The following ZNF587 variants were observed in gnomAD, a reference collection of about 807,000 sequenced individuals.
ZNF587 encodes zinc finger protein zfp6.
In ZNF587, 8 loss-of-function variants were observed where a neutral mutation model predicts 7.5. That is an observed-to-expected ratio of 1.06 (90% CI 0.62 to 1.92). The LOEUF (loss-of-function observed/expected upper bound fraction) is 1.92. Among genes scored for constraint, ZNF587 ranks in the 40% most tolerant of loss-of-function variants. ZNF587 has a pLI of 0.00. For synonymous variants in ZNF587, 145 were observed against 237.8 expected (o/e 0.61, Z 3.59); for missense variants, 468 against 692.8 (o/e 0.68, Z 3.64).
rs1441784685 is a variant in ZNF587, at chr19:57,864,057, ACT to A, written c.*3919_*3920del. 2.0e-5 allele frequency: 3 copies of A among 149,544 alleles called. No individual in the cohort carries two copies. The highest frequency in any genetic ancestry group is 7.4e-5 in the African/African-American group (3 of 40,330). The allele number at this position is 149,544 out of a possible 1,614,324, so 9.3% of individuals were successfully genotyped here. ...ACATCATCTCAAAAAAAAAAAAAAA[ACT>A]CAATCCATAAATGTTATACTTTATA... On this transcript the variant is annotated 3_prime_UTR_variant, in exon 3 of 3. Transcript: ENST00000339656.
Position 57,854,866 on chromosome 19 carries a change from C to T in ZNF587, c.34-1238C>T, listed in dbSNP as rs573443648. 5.9e-5 allele frequency among the ~76,000 whole-genome samples: 9 copies of T among 151,382 alleles called. No individual in the cohort carries two copies. The East Asian group carries it at 1.4e-3, about 23-fold the overall frequency. On this transcript the variant is annotated intron_variant, in intron 1 of 2. Coordinates refer to ENST00000339656, the MANE Select transcript of ZNF587 (RefSeq NM_032828.4). ...GACCAGCCTGGCCAACATGGTGAAA[C>T]CCCGTCTCTACTAAAAAAAAAAAAT...
intron 1 of ZNF587, 169 bp from the exon 2 acceptor site, chr19:57,855,935 T>A: frequency 8.5e-7 from 1 of 1,176,926 alleles, no homozygotes; most frequent in South Asian, 1.6e-5. Flanking sequence ...TTGTTGCTGA[T>A]GGCATTTGAC....
At chr19:57,854,850 G>A (rs985572990) in intron 1 of ZNF587, among the ~76,000 whole-genome samples, 11 of 151,678 alleles carry the variant, frequency 7.3e-5, no homozygotes, top group African/African-American at 2.7e-4. Flanking sequence ...AGACCAGCCT[G>A]GCCAACATGG....
At chr19:57,855,334 G>C (rs1281980223) in intron 1 of ZNF587, among the ~76,000 whole-genome samples, 1 of 152,094 alleles carries the variant, frequency 6.6e-6, no homozygotes, top group Non-Finnish European at 1.5e-5. Context: ...GGCAGAGCTA[G>C]ACTATGTCTC....
rs372535226 is a variant in ZNF587 at position 57,859,722 on chromosome 19, A to G, written c.1310A>G (p.Asn437Ser). 2.5e-6 allele frequency: 4 copies of G among 1,613,714 alleles called. No individual in the cohort carries two copies. The highest frequency in any genetic ancestry group is 2.2e-5 in the East Asian group (1 of 44,852). ...CTTCACACTGGGGAAAGACCTTACA[A>G]TTGTAGGGAATGTGGGAAATTATTT... The part of the protein sequence containing the change: ...QRLHTGERPY[N>S]CRECGKLFNR... Residue 437 changes from asparagine (N) to serine (S), a missense_variant, in exon 3 of 3, where the codon AAT becomes AGT. Asn to Ser is a conservative substitution (Grantham distance 46). Coordinates refer to ENST00000339656, the MANE Select transcript of ZNF587 (RefSeq NM_032828.4).
intron 1 of ZNF587, chr19:57,851,781 C>T (rs1303467526): frequency 1.3e-5 from 2 of 152,216 alleles, no homozygotes; most frequent in Non-Finnish European, 2.9e-5. Flanking sequence ...AGAAGTTTCC[C>T]AAAGGCCAAT....
chr19:57,853,001 T>C (rs1277349411), intron 1 of ZNF587, among the ~76,000 whole-genome samples: 2 of 150,816 alleles, frequency 1.3e-5, no homozygotes, highest in African/African-American at 4.9e-5. Flanking sequence ...TACAGGCATG[T>C]ACCACCACAC....
At position 57,863,033 on chromosome 19, in the gene ZNF587, A is replaced by G. The variant is rs1293255550; in HGVS notation, c.*2893A>G. ...AGTGGCACGATCTCGGCTCACTGCA[A>G]CTCCACCTCCCGGGTTCACGCCATT... On this transcript the variant is annotated 3_prime_UTR_variant, in exon 3 of 3. Coordinates refer to ENST00000339656, the MANE Select transcript of ZNF587 (RefSeq NM_032828.4). 1.3e-5 allele frequency: 2 copies of G among 152,364 alleles called. No individual in the cohort carries two copies. The highest frequency in any genetic ancestry group is 2.9e-5 in the Non-Finnish European group (2 of 68,090). The allele number at this position is 152,364 out of a possible 1,614,324, so 9.4% of individuals were successfully genotyped here. A position where few individuals can be genotyped will look rare whatever the true frequency, so the allele number is the denominator to read the frequency against.
chr19:57,860,719 C>G lies in ZNF587; in HGVS notation c.*579C>G, dbSNP rs187672972. ...GCAACATAGCCAGACCTCCTCTCTA[C>G]AAAAAGAAAAAAGAATGACATGCTT... is the stretch of plus-strand genomic sequence containing the variant. On this transcript the variant is annotated 3_prime_UTR_variant, in exon 3 of 3. Transcript: ENST00000339656. The G allele has an allele frequency of 1.8e-3, 283 of 154,290 alleles. No individual in the cohort carries two copies. The highest frequency in any genetic ancestry group is 6.5e-3 in the African/African-American group (268 of 41,460). The allele number at this position is 154,290 out of a possible 1,614,324, so 9.6% of individuals were successfully genotyped here.
At chr19:57,851,254 T>A (rs895450606) in intron 1 of ZNF587, 4 of 152,334 alleles carry the variant, frequency 2.6e-5, no homozygotes, top group African/African-American at 7.2e-5. Context: ...CCCTAAACCG[T>A]AATTTCTATT....
intron 1 of ZNF587, among the ~76,000 whole-genome samples, chr19:57,853,228 A>T (rs144763363): frequency 4.6e-5 from 7 of 152,370 alleles, no homozygotes; most frequent in African/African-American, 1.4e-4. Context: ...TTTTGATCTT[A>T]GCAGCTGTAA....
chr19:57,852,821 C>T (rs1354757908), intron 1 of ZNF587, among the ~76,000 whole-genome samples: 1 of 144,998 alleles, frequency 6.9e-6, no homozygotes, highest in African/African-American at 2.6e-5. Flanking sequence ...GACCAATGCG[C>T]CCAGCCGAGA....
rs934077186 is a variant in ZNF587 at position 57,864,798 on chromosome 19, C to T, written c.*4658C>T. 3 of 151,552 alleles carry T rather than the reference C, an allele frequency of 2.0e-5. No individual in the cohort carries two copies. Among genetic ancestry groups the T allele is most frequent in the South Asian group, 2.1e-4 (1 of 4,810 alleles). 9.4% of individuals were successfully genotyped at this position (151,552 alleles called of 1,614,324 possible). On this transcript the variant is annotated 3_prime_UTR_variant, in exon 3 of 3. Coordinates refer to ENST00000339656, the MANE Select transcript of ZNF587 (RefSeq NM_032828.4). ...TGGTGTAAATTTTTTTTTATTACAC[C>T]AAATTATGTTCACACAAAACCTTTG...
In ZNF587 at chr19:57,864,098, A is replaced by G. The variant is rs1201107026; in HGVS notation, c.*3958A>G. On this transcript the variant is annotated 3_prime_UTR_variant, in exon 3 of 3. Coordinates refer to ENST00000339656, the MANE Select transcript of ZNF587 (RefSeq NM_032828.4). ...TTATACTTTATAACTTTATAACAGC[A>G]TGTTATATGGGCTTAGATATTATCC... 12 of 145,954 alleles carry G rather than the reference A, an allele frequency of 8.2e-5. 1 individual carries two copies. The East Asian group carries it at 2.2e-3, about 27-fold the overall frequency. The allele number at this position is 145,954 out of a possible 1,614,324, so 9.0% of individuals were successfully genotyped here. A position where few individuals can be genotyped will look rare whatever the true frequency, so the allele number is the denominator to read the frequency against.
At chr19:57,854,625 A>C (rs1174801125) in intron 1 of ZNF587, among the ~76,000 whole-genome samples, 1 of 151,722 alleles carries the variant, frequency 6.6e-6, no homozygotes, top group Non-Finnish European at 1.5e-5. Context: ...GCAGGGTTCC[A>C]GGTTGTTATA....
rs187509773 is a variant in ZNF587 at position 57,860,597 on chromosome 19, A to C, written c.*457A>C. 7 of 192,024 alleles carry C rather than the reference A, an allele frequency of 3.6e-5. No individual in the cohort carries two copies. The East Asian group carries it at 9.1e-4, about 25-fold the overall frequency. 11.9% of individuals were successfully genotyped at this position (192,024 alleles called of 1,614,324 possible). ...TTCTTTTCGTATTGCTTAGAATATG[A>C]CATGCTGAACCAGGCATGGTGGCTC... On this transcript the variant is annotated 3_prime_UTR_variant, in exon 3 of 3. Coordinates refer to ENST00000339656, the MANE Select transcript of ZNF587 (RefSeq NM_032828.4).
chr19:57,855,473 G>T (rs1468588979), intron 1 of ZNF587, among the ~76,000 whole-genome samples: 1 of 152,106 alleles, frequency 6.6e-6, no homozygotes, highest in Non-Finnish European at 1.5e-5. Context: ...TATATTTAAT[G>T]AGAGCGAGGT....
Position 57,861,773 on chromosome 19 carries a change from C to CTTTTTTTTTTTTTTTTTTTT in ZNF587, c.*1649_*1650insTTTTTTTTTTTTTTTTTTTT, listed in dbSNP as rs59253366. On this transcript the variant is annotated 3_prime_UTR_variant, in exon 3 of 3. Coordinates refer to ENST00000339656, the MANE Select transcript of ZNF587 (RefSeq NM_032828.4). ...TTTGCTGCAAGGAATATTTGGTTTT[C>CTTTTTTTTTTTTTTTTTTTT]TTTTTTTTTTTTTTTTCCAGATGGA... is the stretch of plus-strand genomic sequence containing the variant. 29 of 119,276 alleles carry CTTTTTTTTTTTTTTTTTTTT rather than the reference C, an allele frequency of 2.4e-4. 2 individuals carry two copies. Among genetic ancestry groups the CTTTTTTTTTTTTTTTTTTTT allele is most frequent in the African/African-American group, 8.9e-4 (26 of 29,302 alleles). The allele number at this position is 119,276 out of a possible 1,614,324, so 7.4% of individuals were successfully genotyped here.
Position 57,864,072 on chromosome 19 carries a change from GTTATACT to G in ZNF587, c.*3938_*3944del, listed in dbSNP as rs941025230. 3.5e-5 allele frequency: 5 copies of G among 142,984 alleles called. No homozygotes were observed. Among genetic ancestry groups the G allele is most frequent in the Non-Finnish European group, 7.6e-5 (5 of 65,956 alleles). The allele number at this position is 142,984 out of a possible 1,614,324, so 8.9% of individuals were successfully genotyped here. A position where few individuals can be genotyped will look rare whatever the true frequency, so the allele number is the denominator to read the frequency against. ...AAAAAAAAAAACTCAATCCATAAAT[GTTATACT>G]TTATAACTTTATAACAGCATGTTAT... On this transcript the variant is annotated 3_prime_UTR_variant, in exon 3 of 3. Coordinates refer to ENST00000339656, the MANE Select transcript of ZNF587 (RefSeq NM_032828.4).
Sources: gnomAD v4.1 joint callset for allele counts (sites outside exome capture counted in the v4.1 genomes callset) on GRCh38, gnomAD v4.1.1 for gene constraint, MANE v1.5 for transcripts, NCBI Gene and HGNC (gene_info 2026-07-23, HGNC 2026-07-21) for gene names.